Variants in KIAA1671 observed in about 807,000 individuals in gnomAD.
KIAA1671 encodes the protein KIAA1671.
In KIAA1671, 52 loss-of-function variants were observed where a neutral mutation model predicts 131.2. The observed-to-expected ratio is 0.40, with a 90% confidence interval of 0.32 to 0.50. KIAA1671 has a LOEUF of 0.50. Ranked by LOEUF, KIAA1671 falls within the 20% of genes least tolerant of loss-of-function variation. The probability of loss-of-function intolerance (pLI) is 0.73; values close to 1 mark genes in which losing one functional copy is unlikely to be tolerated. For synonymous variants in KIAA1671, 1,003 were observed against 961.6 expected, an observed-to-expected ratio of 1.04 and a Z score of -0.80; for missense variants, 2,360 against 2,364.2, an observed-to-expected ratio of 1.00 and a Z score of 0.04.
chr22:25,020,470 T>C (rs1278150009), intron 1 of KIAA1671, among the ~76,000 whole-genome samples: 2 of 152,208 alleles, frequency 1.3e-5, no homozygotes, highest in African/African-American at 2.4e-5. Context: ...TCTCTTCAGG[T>C]GTTTTTTGCA....
intron 6 of KIAA1671, among the ~76,000 whole-genome samples, chr22:25,068,895 C>T (rs1928652707): frequency 6.6e-6 from 1 of 152,230 alleles, no homozygotes; most frequent in Admixed American, 6.5e-5. Flanking sequence ...AACCCAGGGC[C>T]TCTGCCTGGT....
At chr22:24,992,058 A>G (rs1205472632) in intron 1 of KIAA1671, among the ~76,000 whole-genome samples, 1 of 152,130 alleles carries the variant, frequency 6.6e-6, no homozygotes, top group African/African-American at 2.4e-5. Flanking sequence ...CGGGCAGGAC[A>G]TGACTCATGC....
At position 25,041,061 on chromosome 22, in the gene KIAA1671, G is replaced by A. The variant is rs1034948819; in HGVS notation, c.3931G>A (p.Gly1311Ser). Residue 1311 changes from glycine to serine, a missense_variant, in exon 5 of 13, where the codon GGC (glycine) becomes AGC (serine). Physicochemically the swap from Gly to Ser is moderately conservative, Grantham distance 56 (BLOSUM62 0). This residue lies in a region of KIAA1671 where 1,161 missense variants were observed against 1,204.7 expected (regional missense o/e 0.96). Transcript: ENST00000358431. Reference protein sequence around the residue: ...PSAPSERYPGGSPIPADPRKK... With the variant: ...PSAPSERYPGSSPIPADPRKK... ...GGCTCCTTCTGAAAGGTATCCAGGGGGCTCTCCTATACCTGCGGATCCCAG... is the reference window on the plus strand; with the variant it reads ...GGCTCCTTCTGAAAGGTATCCAGGGAGCTCTCCTATACCTGCGGATCCCAG... The A allele has an allele frequency of 5.2e-6, 8 of 1,523,888 alleles. No individual in the cohort carries two copies. The African/African-American group carries it at 9.7e-5, about 19-fold the overall frequency. 94.4% of individuals were successfully genotyped at this position (1,523,888 alleles called of 1,614,324 possible).
chr22:25,183,884 A>T (rs1040272392), intron 10 of KIAA1671, among the ~76,000 whole-genome samples: 1 of 152,058 alleles, frequency 6.6e-6, no homozygotes, highest in African/African-American at 2.4e-5. Context: ...CTTGCCACAA[A>T]GCAAATGATC....
At chr22:25,008,462 T>C (rs1007439601) in intron 1 of KIAA1671, among the ~76,000 whole-genome samples, 1 of 151,990 alleles carries the variant, frequency 6.6e-6, no homozygotes, top group East Asian at 1.9e-4. Flanking sequence ...CAGACATGCA[T>C]GTAGAGCCTT....
rs1926901177 is a variant in KIAA1671 at position 25,041,113 on chromosome 22, A to G, written c.3983A>G (p.Asp1328Gly). The G allele has an allele frequency of 6.5e-7, 1 of 1,548,006 alleles. No individual in the cohort carries two copies. Among genetic ancestry groups the G allele is most frequent in the African/African-American group, 1.4e-5 (1 of 72,942 alleles). Residue 1328 changes from aspartate (D) to glycine (G), a missense_variant, in exon 5 of 13, where the codon GAC (aspartate) becomes GGC (glycine). Physicochemically the swap from Asp to Gly is moderately conservative, Grantham distance 94. Coordinates refer to ENST00000358431, the MANE Select transcript of KIAA1671 (RefSeq NM_001145206.2). Reference sequence around the variant, plus strand: ...AAAAAAACGGGGTTTGCTGAGGATGACAGAAAGGCCTTTGCCAGTAAACAT... The same window carrying G: ...AAAAAAACGGGGTTTGCTGAGGATGGCAGAAAGGCCTTTGCCAGTAAACAT... The part of the protein sequence containing the change: ...PRKKTGFAED[D>G]RKAFASKHHV...
intron 12 of KIAA1671, among the ~76,000 whole-genome samples, chr22:25,191,067 C>G (rs1450556082): frequency 1.3e-5 from 2 of 151,902 alleles, no homozygotes; most frequent in African/African-American, 4.8e-5. Flanking sequence ...TTGGCTGACC[C>G]TTCTAGCTGC....
intron 1 of KIAA1671, among the ~76,000 whole-genome samples, chr22:24,998,180 C>T (rs1287089406): frequency 6.6e-6 from 1 of 152,042 alleles, no homozygotes; most frequent in Admixed American, 6.6e-5. Context: ...GCTGAAGGAT[C>T]GCTTGAGCCC....
intron 3 of KIAA1671, 146 bp downstream of exon 3, chr22:25,029,686 A>C: frequency 1.5e-6 from 1 of 675,006 alleles, no homozygotes; most frequent in Non-Finnish European, 2.4e-6. Context: ...TCCATTTCTC[A>C]GATGAGAAAG....
chr22:24,954,956 T>G (rs944844795), intron 1 of KIAA1671, among the ~76,000 whole-genome samples: 36 of 152,280 alleles, frequency 2.4e-4, no homozygotes, highest in Non-Finnish European at 1.2e-4. Context: ...AATTTTTGTA[T>G]TTTTAGTAGA....
chr22:25,028,742 C>T lies in KIAA1671; in HGVS notation c.743C>T (p.Thr248Met), dbSNP rs1326631432. The change falls in exon 3 of 13, where the codon ACG becomes ATG. Residue 248 changes from threonine (T) to methionine (M), a missense_variant. Physicochemically the swap from Thr to Met is moderately conservative, Grantham distance 81. Coordinates refer to ENST00000358431, the MANE Select transcript of KIAA1671 (RefSeq NM_001145206.2). ...AGAAGGCCCGTGTCTGCCATTTTCA[C>T]GGAGTCCATTCAGCCTCAGAAGCCA... ...LKRRPVSAIFTESIQPQKPGP... is the reference protein window; with the variant it reads ...LKRRPVSAIFMESIQPQKPGP... The T allele has an allele frequency of 8.4e-6, 13 of 1,551,160 alleles. No individual in the cohort carries two copies. In the Admixed American group the frequency reaches 1.6e-4, roughly 19 times the overall value.
intron 6 of KIAA1671, among the ~76,000 whole-genome samples, chr22:25,101,772 G>A (rs968620069): frequency 3.9e-5 from 6 of 152,198 alleles, no homozygotes; most frequent in Non-Finnish European, 7.3e-5. Flanking sequence ...ATCTCACACA[G>A]TGGGTACGAT....
At chr22:25,157,109 T>C (rs1933269382) in intron 6 of KIAA1671, among the ~76,000 whole-genome samples, 1 of 152,216 alleles carries the variant, frequency 6.6e-6, no homozygotes. Flanking sequence ...CAGATTCCAT[T>C]AAAAGGAGAT....
chr22:24,999,994 C>T (rs374797410), intron 1 of KIAA1671, among the ~76,000 whole-genome samples: 11 of 152,222 alleles, frequency 7.2e-5, no homozygotes, highest in African/African-American at 2.6e-4. Context: ...AAGCTATTCT[C>T]CTGCCTTAGC....
At chr22:25,156,325 T>C (rs1003969663) in intron 6 of KIAA1671, among the ~76,000 whole-genome samples, 9 of 152,036 alleles carry the variant, frequency 5.9e-5, no homozygotes, top group African/African-American at 2.2e-4. Context: ...GTGCCTGGCC[T>C]GTATGTGCTT....
chr22:25,018,774 T>C (rs1413189870), intron 1 of KIAA1671, among the ~76,000 whole-genome samples: 1 of 152,218 alleles, frequency 6.6e-6, no homozygotes, highest in African/African-American at 2.4e-5. Flanking sequence ...TTCCATTGTA[T>C]AAGGATAGAT....
intron 6 of KIAA1671, among the ~76,000 whole-genome samples, chr22:25,139,294 G>C (rs1303642221): frequency 6.6e-6 from 1 of 152,238 alleles, no homozygotes; most frequent in Admixed American, 6.5e-5. Context: ...GGCTTGGCAG[G>C]CTGCCTTATC....
At chr22:25,176,305 T>C (rs997992288) in intron 8 of KIAA1671, 1 of 152,234 alleles carries the variant, frequency 6.6e-6, no homozygotes, top group Non-Finnish European at 1.5e-5. Flanking sequence ...TTACCATTGT[T>C]GGGAAATGAT....
At chr22:25,042,776 A>G (rs1927017627) in intron 5 of KIAA1671, among the ~76,000 whole-genome samples, 1 of 151,920 alleles carries the variant, frequency 6.6e-6, no homozygotes, top group African/African-American at 2.4e-5. Context: ...CCCGGCCTGT[A>G]AGCACTTTTT....
Sources: allele counts gnomAD v4.1 joint callset (sites outside exome capture counted in the v4.1 genomes callset), GRCh38; gene constraint gnomAD v4.1.1; regional missense constraint gnomAD v4.1.1; transcripts MANE v1.5; gene names NCBI Gene and HGNC (gene_info 2026-07-23, HGNC 2026-07-21).